The following RTKN2 variants were observed in gnomAD, a reference collection of about 807,000 sequenced individuals.
The protein encoded by RTKN2 is rhotekin 2.
In RTKN2, 69 loss-of-function variants were observed where a neutral mutation model predicts 71.5. The ratio of observed to expected loss-of-function variants is 0.96; its 90% CI spans 0.79 to 1.18. The LOEUF (loss-of-function observed/expected upper bound fraction) is 1.18. RTKN2 is among the 50% of genes most tolerant of loss of function. The pLI is 0.00. For synonymous variants in RTKN2, 236 were observed against 236.5 expected, an observed-to-expected ratio of 1.00 and a Z score of 0.02; for missense variants, 724 against 719.7, an observed-to-expected ratio of 1.01 and a Z score of -0.07.
intron 5 of RTKN2, among the ~76,000 whole-genome samples, chr10:62,236,704 G>A (rs1283201336): frequency 6.6e-6 from 1 of 151,952 alleles, no homozygotes; most frequent in Admixed American, 6.6e-5. Flanking sequence ...ATTCACAATC[G>A]CCAAGGTATG....
chr10:62,268,561 G>A lies in RTKN2; in HGVS notation c.50C>T (p.Pro17Leu). ...RGPALRLAGL[P>L]TQQDCNIQEK... is the part of the protein sequence containing the mutation. Reference sequence around the variant, plus strand: ...CCTCCCGCAACTCACCTGCTGGGTGGGAAGCCCCGCCAGGCGGAGCGCAGG... The same window carrying A: ...CCTCCCGCAACTCACCTGCTGGGTGAGAAGCCCCGCCAGGCGGAGCGCAGG... Residue 17 changes from proline to leucine, a missense_variant, in exon 1 of 12, where the codon CCC becomes CTC. Coordinates refer to ENST00000373789, the MANE Select transcript of RTKN2 (RefSeq NM_145307.4). 1 of 1,563,000 alleles carries A rather than the reference G, an allele frequency of 6.4e-7. No homozygotes were observed. The highest frequency in any genetic ancestry group is 8.7e-7 in the Non-Finnish European group (1 of 1,153,602).
At chr10:62,188,265 TATTGGTG>T (rs558470309), downstream of RTKN2, among the ~76,000 whole-genome samples, 38 of 152,168 alleles carry the variant, frequency 2.5e-4, no homozygotes, top group Non-Finnish European at 4.9e-4. Flanking sequence ...TGGGGCTGGT[TATTGGTG>T]AGAGGCCTCA....
intron 2 of RTKN2, among the ~76,000 whole-genome samples, chr10:62,258,323 T>C (rs984749147): frequency 6.6e-6 from 1 of 152,204 alleles, no homozygotes; most frequent in African/African-American, 2.4e-5. Flanking sequence ...TAAGATTATT[T>C]GACTTCTTAA....
chr10:62,185,543 G>A (rs1244259229), intron 8 of RTKN2, among the ~76,000 whole-genome samples: 1 of 152,162 alleles, frequency 6.6e-6, no homozygotes, highest in Non-Finnish European at 1.5e-5. Context: ...TTGAACCCGG[G>A]AGGTGGAGGT....
Position 62,217,185 on chromosome 10 carries a change from T to A in RTKN2, c.953A>T (p.Tyr318Phe). 1 of 1,604,472 alleles carries A rather than the reference T, an allele frequency of 6.2e-7. No homozygotes were observed. The highest frequency in any genetic ancestry group is 1.7e-4 in the Middle Eastern group (1 of 6,034). ...AATTTCCTCTGGACTGTAAAAACAA[T>A]AGAGTTTACCTCCTCGCAAAACACA... ...LYCVLRGGKL[Y>F]CFYSPEEIEA... is the part of the protein sequence containing the mutation. The change falls in exon 9 of 12, where the codon TAT (tyrosine) becomes TTT (phenylalanine). Residue 318 changes from tyrosine to phenylalanine, a missense_variant. Physicochemically the swap from Tyr to Phe is conservative, Grantham distance 22. Coordinates refer to ENST00000373789, the MANE Select transcript of RTKN2 (RefSeq NM_145307.4).
chr10:62,206,509 A>G (rs1841552136), intron 9 of RTKN2, among the ~76,000 whole-genome samples: 1 of 152,138 alleles, frequency 6.6e-6, no homozygotes, highest in Admixed American at 6.5e-5. Context: ...ATAAATTCTT[A>G]TTCAAACACC....
downstream of RTKN2, among the ~76,000 whole-genome samples, chr10:62,188,403 A>G (rs1040943890): frequency 6.6e-6 from 1 of 152,204 alleles, no homozygotes; most frequent in Non-Finnish European, 1.5e-5. Flanking sequence ...ACCTAGCCTC[A>G]TGTGTCACAG....
At chr10:62,248,159 T>A (rs1277741614) in intron 2 of RTKN2, among the ~76,000 whole-genome samples, 18 of 152,116 alleles carry the variant, frequency 1.2e-4, no homozygotes, top group Admixed American at 1.2e-3. Context: ...CCAGGACTGG[T>A]AAGCAAACTT....
In RTKN2 at chr10:62,197,297, T is replaced by C; in HGVS notation, c.*611A>G. 1 of 985,610 alleles carries C rather than the reference T, an allele frequency of 1.0e-6. No homozygotes were observed. The highest frequency in any genetic ancestry group is 1.2e-6 in the Non-Finnish European group (1 of 829,744). The allele number at this position is 985,610 out of a possible 1,614,324, so 61.1% of individuals were successfully genotyped here. On this transcript the variant is annotated 3_prime_UTR_variant, in exon 12 of 12. Transcript: ENST00000373789. ...TTCAGGGCTCATCAAGGAAACAAGT[T>C]TGAATAGCACATTACAAATTCCCTT...
At chr10:62,266,222 T>C (rs1842866255) in intron 1 of RTKN2, among the ~76,000 whole-genome samples, 1 of 152,044 alleles carries the variant, frequency 6.6e-6, no homozygotes, top group East Asian at 1.9e-4. Context: ...TTAGGTTAAG[T>C]AGGAAACAGA....
intron 2 of RTKN2, among the ~76,000 whole-genome samples, chr10:62,251,117 C>G: frequency 6.6e-6 from 1 of 152,176 alleles, no homozygotes; most frequent in Non-Finnish European, 1.5e-5. Context: ...TGCTTGTGCT[C>G]AAGGTCCACA....
At position 62,193,305 on chromosome 10, in the gene RTKN2, C is replaced by T. The variant is rs1184156444; in HGVS notation, c.*4603G>A. 1.6e-5 allele frequency: 16 copies of T among 978,054 alleles called. No homozygotes were observed. The South Asian group carries it at 6.6e-4, about 40-fold the overall frequency. 60.6% of individuals were successfully genotyped at this position (978,054 alleles called of 1,614,324 possible). A position where few individuals can be genotyped will look rare whatever the true frequency, so the allele number is the denominator to read the frequency against. ...CTTTAGTAGTTACATTAAGAGATTA[C>T]CATGTCTCAAGAGCAAACTGCTGGA... On this transcript the variant is annotated 3_prime_UTR_variant, in exon 12 of 12. Transcript: ENST00000373789.
intron 1 of RTKN2, among the ~76,000 whole-genome samples, chr10:62,264,071 CA>C (rs900281326): frequency 6.6e-6 from 1 of 151,668 alleles, no homozygotes; most frequent in Non-Finnish European, 1.5e-5. Flanking sequence ...GTTTCTATGG[CA>C]AAAAAATAAA....
intron 2 of RTKN2, among the ~76,000 whole-genome samples, chr10:62,250,479 A>G (rs768664444): frequency 3.3e-5 from 5 of 152,244 alleles, no homozygotes; most frequent in Non-Finnish European, 7.3e-5. Context: ...CACAGTTCCA[A>G]TAATAAAAAA....
intron 6 of RTKN2, among the ~76,000 whole-genome samples, chr10:62,234,470 T>C (rs950500292): frequency 2.1e-5 from 3 of 144,362 alleles, no homozygotes; most frequent in Non-Finnish European, 3.0e-5. Context: ...CACTCCAGAC[T>C]GGGCAACAGA....
intron 10 of RTKN2, among the ~76,000 whole-genome samples, chr10:62,202,886 T>C (rs1228028594): frequency 6.6e-6 from 1 of 152,122 alleles, no homozygotes; most frequent in East Asian, 1.9e-4. Context: ...AATAGCTGGG[T>C]GCGGTGGCTC....
At chr10:62,249,872 G>A (rs1317949572) in intron 2 of RTKN2, among the ~76,000 whole-genome samples, 1 of 152,142 alleles carries the variant, frequency 6.6e-6, no homozygotes, top group Non-Finnish European at 1.5e-5. Flanking sequence ...TCACATAGAA[G>A]AGGCACTAAA....
rs1841341818 is a variant in RTKN2 at position 62,196,838 on chromosome 10, T to A, written c.*1070A>T. 1.0e-6 allele frequency: 1 copy of A among 979,184 alleles called. No homozygotes were observed. The highest frequency in any genetic ancestry group is 6.2e-5 in the Admixed American group (1 of 16,252). 60.7% of individuals were successfully genotyped at this position (979,184 alleles called of 1,614,324 possible). On this transcript the variant is annotated 3_prime_UTR_variant, in exon 12 of 12. Coordinates refer to ENST00000373789, the MANE Select transcript of RTKN2 (RefSeq NM_145307.4). ...ATGGATTTTTTGTTCCTTTAAGGTA[T>A]TTTTCTGCTATTTATTCCTCACTTG...
intron 10 of RTKN2, among the ~76,000 whole-genome samples, chr10:62,204,088 T>C (rs1453982801): frequency 6.6e-6 from 1 of 152,196 alleles, no homozygotes; most frequent in African/African-American, 2.4e-5. Context: ...CAACTTTCTA[T>C]GGAATAGGAT....
Sources: allele counts gnomAD v4.1 joint callset (sites outside exome capture counted in the v4.1 genomes callset), GRCh38; gene constraint gnomAD v4.1.1; transcripts MANE v1.5; gene names NCBI Gene and HGNC (gene_info 2026-07-23, HGNC 2026-07-21).